CDK6: variants seen among roughly 807,000 people sequenced by gnomAD.
CDK6 encodes cyclin dependent kinase 6, also known as cyclin-dependent kinase 6.
In CDK6, 6 loss-of-function variants were observed where a neutral mutation model predicts 37.1. The observed-to-expected ratio is 0.16, with a 90% confidence interval of 0.09 to 0.32. The LOEUF is 0.32. Among genes scored for constraint, CDK6 ranks in the 10% least tolerant of loss-of-function variants. The pLI is 1.00. For synonymous variants in CDK6, 160 were observed against 161.3 expected (o/e 0.99, Z 0.06); for missense variants, 224 against 418.9 (o/e 0.53, Z 4.06).
intron 2 of CDK6, among the ~76,000 whole-genome samples, chr7:92,780,669 G>A (rs1799964310): frequency 6.6e-6 from 1 of 150,956 alleles, no homozygotes; most frequent in African/African-American, 2.4e-5. Context: ...GCTGAGGCAG[G>A]AGAATGGCGT....
chr7:92,647,646 T>G (rs772256720), intron 5 of CDK6, among the ~76,000 whole-genome samples: 4 of 152,234 alleles, frequency 2.6e-5, no homozygotes, highest in Non-Finnish European at 5.9e-5. Context: ...CTCTGGGATA[T>G]CCAAGTAAAC....
intron 3 of CDK6, among the ~76,000 whole-genome samples, chr7:92,743,927 T>G (rs1798994211): frequency 6.6e-6 from 1 of 152,202 alleles, no homozygotes; most frequent in Admixed American, 6.5e-5. Context: ...ACTGGAATGT[T>G]CTGTATCTTG....
At chr7:92,699,042 A>G (rs987586062) in intron 4 of CDK6, among the ~76,000 whole-genome samples, 1 of 152,214 alleles carries the variant, frequency 6.6e-6, no homozygotes, top group African/African-American at 2.4e-5. Flanking sequence ...AAACCACAGT[A>G]TGCCCATAAC....
chr7:92,732,035 T>C (rs1798662184), intron 3 of CDK6, among the ~76,000 whole-genome samples: 1 of 152,250 alleles, frequency 6.6e-6, no homozygotes, highest in African/African-American at 2.4e-5. Flanking sequence ...CAAGTGGCTA[T>C]CATTCTATAC....
chr7:92,742,591 T>C (rs1432180748), intron 3 of CDK6, among the ~76,000 whole-genome samples: 1 of 152,234 alleles, frequency 6.6e-6, no homozygotes, highest in African/African-American at 2.4e-5. Flanking sequence ...TCCCAAAATA[T>C]ACATACACAC....
chr7:92,703,642 T>A (rs1234464616), intron 4 of CDK6, among the ~76,000 whole-genome samples: 7 of 152,228 alleles, frequency 4.6e-5, no homozygotes, highest in Admixed American at 3.9e-4. Context: ...AATTTTAACA[T>A]TTCATTTATC....
At chr7:92,715,021 C>T (rs1219363581) in intron 4 of CDK6, among the ~76,000 whole-genome samples, 9 of 152,158 alleles carry the variant, frequency 5.9e-5, no homozygotes, top group Non-Finnish European at 1.0e-4. Context: ...CAGTCCCTAC[C>T]TCACTGAAAT....
chr7:92,738,101 T>A (rs1798830743), intron 3 of CDK6, among the ~76,000 whole-genome samples: 1 of 152,196 alleles, frequency 6.6e-6, no homozygotes, highest in Admixed American at 6.5e-5. Context: ...AAGTCAGTTA[T>A]GATAGAGGTA....
intron 4 of CDK6, among the ~76,000 whole-genome samples, chr7:92,721,170 C>T (rs1375792384): frequency 2.6e-5 from 4 of 152,312 alleles, no homozygotes; most frequent in East Asian, 1.9e-4. Flanking sequence ...CACATGCTTA[C>T]GGACACTCCA....
At chr7:92,821,374 T>C (rs1801167460) in intron 2 of CDK6, among the ~76,000 whole-genome samples, 1 of 152,134 alleles carries the variant, frequency 6.6e-6, no homozygotes, top group South Asian at 2.1e-4. Context: ...TATGCCATTC[T>C]CACTGTGCTC....
At chr7:92,627,988 T>C (rs528195168) in intron 5 of CDK6, among the ~76,000 whole-genome samples, 2 of 152,220 alleles carry the variant, frequency 1.3e-5, no homozygotes, top group Admixed American at 1.3e-4. Flanking sequence ...GCTTTAAGCA[T>C]GCGGTATTAA....
chr7:92,764,987 G>C (rs1799545137), intron 3 of CDK6, among the ~76,000 whole-genome samples: 1 of 152,056 alleles, frequency 6.6e-6, no homozygotes, highest in Non-Finnish European at 1.5e-5. Flanking sequence ...ATGGGCATCT[G>C]AAATTTCTGG....
chr7:92,628,228 T>A (rs777887788), intron 5 of CDK6, among the ~76,000 whole-genome samples: 11 of 152,264 alleles, frequency 7.2e-5, no homozygotes, highest in Middle Eastern at 6.8e-3. Flanking sequence ...AATGATTTGC[T>A]TTCTGCATTT....
Position 92,610,293 on chromosome 7 carries a change from G to A in CDK6, c.*4847C>T. ...TTGTTTTCTTCCTAAGGCTAGACAAGGTAACAATATGTTGAAGGAAGTCCA... is the reference window on the plus strand; with the variant it reads ...TTGTTTTCTTCCTAAGGCTAGACAAAGTAACAATATGTTGAAGGAAGTCCA... On this transcript the variant is annotated 3_prime_UTR_variant, in exon 8 of 8. Transcript: ENST00000424848. 8.6e-6 allele frequency: 2 copies of A among 232,134 alleles called. No homozygotes were observed. Among genetic ancestry groups the A allele is most frequent in the Non-Finnish European group, 1.7e-5 (2 of 117,432 alleles). The allele number at this position is 232,134 out of a possible 1,614,324, so 14.4% of individuals were successfully genotyped here. A position where few individuals can be genotyped will look rare whatever the true frequency, so the allele number is the denominator to read the frequency against.
At chr7:92,664,210 A>G (rs1255389257) in intron 5 of CDK6, among the ~76,000 whole-genome samples, 2 of 152,172 alleles carry the variant, frequency 1.3e-5, no homozygotes, top group Admixed American at 6.5e-5. Flanking sequence ...AAAAAAAACA[A>G]AAACAGAGTC....
chr7:92,754,859 G>A (rs541406676), intron 3 of CDK6, among the ~76,000 whole-genome samples: 3 of 152,268 alleles, frequency 2.0e-5, no homozygotes, highest in East Asian at 1.9e-4. Context: ...AATGGAAGCC[G>A]TCTGGAGCCC....
At chr7:92,789,289 C>A (rs1800223083) in intron 2 of CDK6, among the ~76,000 whole-genome samples, 1 of 152,056 alleles carries the variant, frequency 6.6e-6, no homozygotes, top group African/African-American at 2.4e-5. Flanking sequence ...ACAGGAAATG[C>A]TAAAGGGAGT....
chr7:92,618,903 T>G (rs1795739709), intron 6 of CDK6, among the ~76,000 whole-genome samples: 1 of 152,156 alleles, frequency 6.6e-6, no homozygotes, highest in African/African-American at 2.4e-5. Flanking sequence ...GAACAGCAAG[T>G]GATAAGCACA....
chr7:92,833,164 T>C lies in CDK6; in HGVS notation c.160A>G (p.Met54Val), dbSNP rs1394553206. Residue 54 changes from methionine (M) to valine (V), a missense_variant, in exon 2 of 8, where the codon ATG (methionine) becomes GTG (valine). Around this residue, in one of 5 missense-constraint regions of CDK6, gnomAD observed 21 missense variants for 18.4 expected, o/e 1.14. Coordinates refer to ENST00000424848, the MANE Select transcript of CDK6 (RefSeq NM_001145306.2). The surrounding 1 kb of genome is among the most constrained non-coding windows in gnomAD (Gnocchi z 6.1). The stretch of plus-strand genomic sequence containing the variant: ...ACCTCGCGGATGGTGGAGAGCGGCA[T>C]GCCCTCCTCGCCGGTCTGCACCCGC... ...RVRVQTGEEG[M>V]PLSTIREVAV... 1 of 1,609,338 alleles carries C rather than the reference T, an allele frequency of 6.2e-7. No homozygotes were observed.
Sources: allele counts gnomAD v4.1 joint callset (sites outside exome capture counted in the v4.1 genomes callset), GRCh38; gene constraint gnomAD v4.1.1; regional missense constraint gnomAD v4.1.1; non-coding constraint Gnocchi (gnomAD v3.1); transcripts MANE v1.5; gene names NCBI Gene and HGNC (gene_info 2026-07-23, HGNC 2026-07-21).